The following ANK2 variants were observed in gnomAD, a reference collection of about 807,000 sequenced individuals.
ANK2 encodes the protein ankyrin 2.
Under a neutral mutation model 360.5 loss-of-function variants are expected in ANK2, and 83 were observed. The observed-to-expected ratio is 0.23, with a 90% CI of 0.19 to 0.28. The LOEUF is 0.28. ANK2 is among the 10% of genes least tolerant of loss of function. The pLI, the probability that ANK2 is intolerant of heterozygous loss-of-function variation, is 1.00. For missense variants in ANK2, 4,201 were observed against 4,795.7 expected (o/e 0.88, Z 3.66); for synonymous variants, 1,740 against 1,759.5 (o/e 0.99, Z 0.28).
At chr4:113,300,924 T>C (rs543155222) in intron 22 of ANK2, among the ~76,000 whole-genome samples, 15 of 152,252 alleles carry the variant, frequency 9.9e-5, no homozygotes, top group Admixed American at 1.3e-4. Flanking sequence ...ACAGATCTTA[T>C]ATATGTATAT....
In ANK2 at chr4:113,208,935, G is replaced by A. The variant is rs553050345; in HGVS notation, c.384+9826G>A. On this transcript the variant is annotated intron_variant, in intron 4 of 45. Coordinates refer to ENST00000357077, the MANE Select transcript of ANK2 (RefSeq NM_001148.6). ...AAATGGTTATTAAAGCAGTGGACTC[G>A]AATGAGACTGCCGGAGCAGTAAAGA... Among the ~76,000 whole-genome samples, 7 of 152,050 alleles carry A rather than the reference G, an allele frequency of 4.6e-5. No individual in the cohort carries two copies. In the East Asian group the frequency reaches 7.7e-4, roughly 17 times the overall value.
At chr4:113,350,017 T>C (rs777544263) in intron 36 of ANK2, among the ~76,000 whole-genome samples, 2 of 152,152 alleles carry the variant, frequency 1.3e-5, no homozygotes, top group Non-Finnish European at 2.9e-5. Flanking sequence ...ACTTTCTACC[T>C]GTAGTGTCTA....
At chr4:113,332,169 GTCC>G in intron 28 of ANK2, 99 bp downstream of exon 28, 1 of 1,066,166 alleles carries the variant, frequency 9.4e-7, no homozygotes, top group Non-Finnish European at 1.5e-6. Flanking sequence ...CCCATGACAT[GTCC>G]CTTTCTATGA....
At chr4:112,903,713 T>C (rs925544394) in intron 1 of ANK2, among the ~76,000 whole-genome samples, 1 of 152,204 alleles carries the variant, frequency 6.6e-6, no homozygotes, top group Non-Finnish European at 1.5e-5. Flanking sequence ...TCTCTTGATA[T>C]TGTGTAACAT....
intron 4 of ANK2, among the ~76,000 whole-genome samples, chr4:113,221,101 A>T (rs2099145858): frequency 6.6e-6 from 1 of 152,186 alleles, no homozygotes; most frequent in Admixed American, 6.6e-5. Context: ...GTTAACGAAA[A>T]ACTCACAGAG....
intron 10 of ANK2, among the ~76,000 whole-genome samples, chr4:113,251,705 A>G (rs867142398): frequency 6.6e-6 from 1 of 151,726 alleles, no homozygotes. Flanking sequence ...GATGGTCTTG[A>G]TCTCCTGACC....
At chr4:112,742,396 ATGTGTG>A in the ANK2 span, among the ~76,000 whole-genome samples, 2 of 149,656 alleles carry the variant, frequency 1.3e-5, no homozygotes, top group African/African-American at 4.9e-5. Context: ...ACTGAATTCT[ATGTGTG>A]TGTGTGTGTG....
chr4:112,944,867 T>G (rs1375486220), intron 2 of ANK2, among the ~76,000 whole-genome samples: 1 of 152,230 alleles, frequency 6.6e-6, no homozygotes, highest in East Asian at 1.9e-4. Flanking sequence ...CTCTGAGAGT[T>G]GATTATCTTT....
At chr4:113,025,559 T>C (rs951383646) in intron 2 of ANK2, among the ~76,000 whole-genome samples, 6 of 152,190 alleles carry the variant, frequency 3.9e-5, no homozygotes, top group Non-Finnish European at 7.3e-5. Flanking sequence ...AAAATCAATC[T>C]CTTGACACTT....
At chr4:113,253,176 C>T (rs1332560558) in intron 10 of ANK2, among the ~76,000 whole-genome samples, 1 of 152,150 alleles carries the variant, frequency 6.6e-6, no homozygotes, top group Non-Finnish European at 1.5e-5. Context: ...CCTGTCTTCT[C>T]AAAACACTTT....
At chr4:112,862,188 A>T (rs1434804601) in intron 1 of ANK2, among the ~76,000 whole-genome samples, 2 of 152,246 alleles carry the variant, frequency 1.3e-5, no homozygotes, top group Non-Finnish European at 2.9e-5. Context: ...CATTACCTCC[A>T]CTACTGTATT....
chr4:113,218,800 A>T (rs1474616086), intron 4 of ANK2, among the ~76,000 whole-genome samples: 3 of 152,186 alleles, frequency 2.0e-5, no homozygotes, highest in African/African-American at 7.2e-5. Context: ...GAGAAGTAAA[A>T]GAGTTATGGC....
intron 1 of ANK2, among the ~76,000 whole-genome samples, chr4:112,833,121 G>T (rs1331797125): frequency 1.3e-5 from 2 of 152,216 alleles, no homozygotes; most frequent in Non-Finnish European, 1.5e-5. Context: ...GCAGAAAGAG[G>T]CTTGGTTGTT....
chr4:112,968,217 C>G (rs745410963), intron 2 of ANK2, among the ~76,000 whole-genome samples: 1 of 152,140 alleles, frequency 6.6e-6, no homozygotes, highest in Non-Finnish European at 1.5e-5. Flanking sequence ...GCACAGGGTT[C>G]AAAGAGGTGG....
At chr4:112,838,163 C>T (rs1293412036) in intron 1 of ANK2, among the ~76,000 whole-genome samples, 1 of 152,114 alleles carries the variant, frequency 6.6e-6, no homozygotes, top group Non-Finnish European at 1.5e-5. Flanking sequence ...TGAGTGAGTT[C>T]TCATGAGAGC....
chr4:112,817,413 C>A (rs2055758724), upstream of ANK2, among the ~76,000 whole-genome samples: 1 of 152,056 alleles, frequency 6.6e-6, no homozygotes, highest in African/African-American at 2.4e-5. Flanking sequence ...TGAATGTAAG[C>A]CTGAATGGAT....
chr4:113,351,372 C>T (rs2095406340), intron 37 of ANK2, among the ~76,000 whole-genome samples: 1 of 152,074 alleles, frequency 6.6e-6, no homozygotes, highest in African/African-American at 2.4e-5. Context: ...GGCTTACCCT[C>T]ATGTTAAAGC....
intron 2 of ANK2, among the ~76,000 whole-genome samples, chr4:112,941,759 C>CAT (rs1269896344): frequency 1.4e-5 from 2 of 147,942 alleles, no homozygotes; most frequent in African/African-American, 2.5e-5. Flanking sequence ...ATATATAGTA[C>CAT]ATATATATCT....
chr4:113,144,441 T>A (rs556243645), intron 1 of ANK2, among the ~76,000 whole-genome samples: 27 of 151,782 alleles, frequency 1.8e-4, no homozygotes, highest in South Asian at 4.1e-4. Flanking sequence ...TGGCAAATGG[T>A]TTTTAGCTTT....
Sources: gnomAD v4.1 joint callset for allele counts (sites outside exome capture counted in the v4.1 genomes callset) on GRCh38, gnomAD v4.1.1 for gene constraint, MANE v1.5 for transcripts, NCBI Gene and HGNC (gene_info 2026-07-23, HGNC 2026-07-21) for gene names.